CCDC171: variants seen among roughly 807,000 people sequenced by gnomAD.
CCDC171 encodes coiled-coil domain containing 171, also known as coiled-coil domain-containing protein 171.
A neutral mutation model predicts 168.2 loss-of-function variants in CCDC171; 177 were observed. That is an observed-to-expected ratio of 1.05 (90% confidence interval 0.93 to 1.19). The LOEUF (loss-of-function observed/expected upper bound fraction) is 1.19. CCDC171 is among the 50% of genes most tolerant of loss of function. The pLI is 0.00. For missense variants in CCDC171, 1,991 were observed against 1,539.0 expected, an observed-to-expected ratio of 1.29 and a Z score of -4.91; for synonymous variants, 687 against 540.8, an observed-to-expected ratio of 1.27 and a Z score of -3.75.
In CCDC171 at chr9:15,604,464, A is replaced by G. The variant is rs534004038; in HGVS notation, c.675+10292A>G. 2.0e-5 allele frequency among the ~76,000 whole-genome samples: 3 copies of G among 152,330 alleles called. No homozygotes were observed. The South Asian group carries it at 6.2e-4, about 32-fold the overall frequency. ...TTGAAAACATTTAGAAGATGAATATATATGTTTTCATTTTTATTTCATTTC... is the reference window on the plus strand; with the variant it reads ...TTGAAAACATTTAGAAGATGAATATGTATGTTTTCATTTTTATTTCATTTC... On this transcript the variant is annotated intron_variant, in intron 6 of 25. Transcript: ENST00000380701.
intron 6 of CCDC171, among the ~76,000 whole-genome samples, chr9:16,034,722 A>T (rs182454498): frequency 6.6e-6 from 1 of 152,244 alleles, no homozygotes; most frequent in Admixed American, 6.5e-5. Flanking sequence ...AGTTTTTTGG[A>T]AAGCTAATAT....
At chr9:15,868,661 AAGAT>A (rs1301904430) in intron 23 of CCDC171, among the ~76,000 whole-genome samples, 1 of 152,028 alleles carries the variant, frequency 6.6e-6, no homozygotes, top group Non-Finnish European at 1.5e-5. Flanking sequence ...ATAAAGAAAA[AAGAT>A]AGGGAAATGG....
chr9:15,725,227 A>T (rs1016161570), intron 14 of CCDC171, among the ~76,000 whole-genome samples: 1 of 152,158 alleles, frequency 6.6e-6, no homozygotes, highest in African/African-American at 2.4e-5. Flanking sequence ...GACTTTTAGA[A>T]TATTGTAACT....
At chr9:15,586,619 G>A (rs1436414683) in intron 4 of CCDC171, among the ~76,000 whole-genome samples, 1 of 152,172 alleles carries the variant, frequency 6.6e-6, no homozygotes, top group Non-Finnish European at 1.5e-5. Context: ...TTGAGAGGCA[G>A]ATAGGTCCTT....
At chr9:15,767,746 C>T (rs558275297) in intron 18 of CCDC171, among the ~76,000 whole-genome samples, 19 of 149,762 alleles carry the variant, frequency 1.3e-4, no homozygotes, top group Admixed American at 2.7e-4. Context: ...TCCTGTTTCT[C>T]CTCTTTTCAT....
rs2044670355 is a variant in CCDC171 at position 15,623,392 on chromosome 9, A to T, written c.801A>T (p.Glu267Asp). ...TTGAATTTAGCACTCAACGAGAGGA[A>T]CGCCTTAGAAAAGAATTTGAGGTAC... ...SELEFSTQREERLRKEFEATT... is the reference protein window; with the variant it reads ...SELEFSTQREDRLRKEFEATT... Residue 267 changes from glutamate (E) to aspartate (D), a missense_variant, in exon 7 of 26, where the codon GAA becomes GAT. Transcript: ENST00000380701. 6.2e-7 allele frequency: 1 copy of T among 1,607,858 alleles called. No homozygotes were observed. The highest frequency in any genetic ancestry group is 1.7e-4 in the Middle Eastern group (1 of 6,014).
chr9:15,667,169 A>AAAATAAGTC (rs774472755), intron 9 of CCDC171, among the ~76,000 whole-genome samples: 8 of 152,206 alleles, frequency 5.3e-5, no homozygotes, highest in African/African-American at 9.6e-5. Flanking sequence ...TATGTTTCCA[A>AAAATAAGTC]AAATAAGTCA....
At chr9:15,996,555 A>C (rs1165788255) in intron 3 of CCDC171, among the ~76,000 whole-genome samples, 1 of 151,726 alleles carries the variant, frequency 6.6e-6, no homozygotes, top group Non-Finnish European at 1.5e-5. Context: ...TCGGCACTCA[A>C]AATGTTTTGG....
intron 6 of CCDC171, among the ~76,000 whole-genome samples, chr9:15,598,703 T>G (rs2131598150): frequency 6.6e-6 from 1 of 152,248 alleles, no homozygotes; most frequent in East Asian, 1.9e-4. Flanking sequence ...CTGGATATCC[T>G]TGTTAACTTT....
intron 12 of CCDC171, among the ~76,000 whole-genome samples, chr9:15,722,827 A>C (rs1304080569): frequency 1.3e-5 from 2 of 152,218 alleles, no homozygotes; most frequent in African/African-American, 4.8e-5. Flanking sequence ...CGAAATAATT[A>C]AATTTCTATG....
At chr9:15,643,810 A>G (rs532289567) in intron 7 of CCDC171, among the ~76,000 whole-genome samples, 4 of 152,280 alleles carry the variant, frequency 2.6e-5, no homozygotes, top group South Asian at 4.1e-4. Flanking sequence ...ATTCTTATCA[A>G]TGAAATCATA....
At chr9:15,761,174 G>T (rs771113968) in intron 18 of CCDC171, among the ~76,000 whole-genome samples, 1 of 152,062 alleles carries the variant, frequency 6.6e-6, no homozygotes, top group African/African-American at 2.4e-5. Context: ...GTGTAATTAC[G>T]TCTTAATTGT....
chr9:16,022,296 T>G (rs958100548), intron 4 of CCDC171: 1 of 152,218 alleles, frequency 6.6e-6, no homozygotes, highest in African/African-American at 2.4e-5. Context: ...ACCTGTATGT[T>G]TTTATAGGCA....
chr9:15,628,309 C>T (rs765785052), intron 7 of CCDC171, among the ~76,000 whole-genome samples: 4 of 152,160 alleles, frequency 2.6e-5, no homozygotes, highest in Non-Finnish European at 4.4e-5. Flanking sequence ...CCTGGAAAAT[C>T]GGGTCACTCC....
chr9:15,728,185 A>C (rs543646270), intron 15 of CCDC171, 149 bp downstream of exon 15: 3 of 645,802 alleles, frequency 4.6e-6, no homozygotes, highest in South Asian at 5.0e-5. Context: ...CTTGTCTACA[A>C]CTCAGTTTGA....
At chr9:16,005,994 G>A (rs1191250070) in intron 3 of CCDC171, among the ~76,000 whole-genome samples, 1 of 151,950 alleles carries the variant, frequency 6.6e-6, no homozygotes, top group African/African-American at 2.4e-5. Context: ...TGAGTGGCTG[G>A]GACTACAGGC....
chr9:15,950,553 C>T (rs1829021501), intron 25 of CCDC171, among the ~76,000 whole-genome samples: 1 of 151,766 alleles, frequency 6.6e-6, no homozygotes. Context: ...AAATAAAATC[C>T]TTAACAGACA....
chr9:16,096,644 C>G, the CCDC171 span, among the ~76,000 whole-genome samples: 1 of 152,204 alleles, frequency 6.6e-6, no homozygotes. Flanking sequence ...TATTTATCCC[C>G]TGGTCCTCTC....
chr9:15,809,461 T>C (rs765390361), intron 21 of CCDC171, among the ~76,000 whole-genome samples: 20 of 152,202 alleles, frequency 1.3e-4, no homozygotes, highest in Admixed American at 3.9e-4. Context: ...TTACAGTTCT[T>C]AAAGATGGTG....
Sources: allele counts gnomAD v4.1 joint callset (sites outside exome capture counted in the v4.1 genomes callset), GRCh38; gene constraint gnomAD v4.1.1; transcripts MANE v1.5; gene names NCBI Gene and HGNC (gene_info 2026-07-23, HGNC 2026-07-21).